The following IFT52 variants were observed in gnomAD, a reference collection of about 807,000 sequenced individuals.
The protein encoded by IFT52 is intraflagellar transport 52.
Under a neutral mutation model 54.4 loss-of-function variants are expected in IFT52, and 44 were observed. The ratio of observed to expected loss-of-function variants is 0.81; its 90% CI spans 0.63 to 1.04. The LOEUF (loss-of-function observed/expected upper bound fraction) is 1.04, where lower values mean the gene tolerates loss of function less well. Among genes scored for constraint, IFT52 ranks in the 50% least tolerant of loss-of-function variants. The pLI is 0.00. For synonymous variants in IFT52, 181 were observed against 185.3 expected (o/e 0.98, Z 0.19); for missense variants, 452 against 523.6 (o/e 0.86, Z 1.33).
chr20:43,632,409 C>T (rs946996866), intron 10 of IFT52, among the ~76,000 whole-genome samples: 4 of 151,940 alleles, frequency 2.6e-5, no homozygotes, highest in Admixed American at 6.6e-5. Flanking sequence ...TACAGGCACG[C>T]GCCACCACGC....
Position 43,619,796 on chromosome 20 carries a change from GA to G in IFT52, c.699+773del, listed in dbSNP as rs572210955. On this transcript the variant is annotated intron_variant, in intron 8 of 13. Coordinates refer to ENST00000373030, the MANE Select transcript of IFT52 (RefSeq NM_016004.5). Reference sequence around the variant, plus strand: ...CTGTCCATTGGTGATTCCAGTGAGAGAAAGAAACGCCTTATAATTGTTATAT... The same window carrying G: ...CTGTCCATTGGTGATTCCAGTGAGAGAAGAAACGCCTTATAATTGTTATAT... Among the ~76,000 whole-genome samples the G allele has an allele frequency of 2.6e-3, 396 of 151,666 alleles. 4 individuals are homozygous for G. The highest frequency in any genetic ancestry group is 0.021 in the South Asian group (101 of 4,808).
At chr20:43,639,796 C>A (rs552863954) in intron 12 of IFT52, among the ~76,000 whole-genome samples, 2 of 151,510 alleles carry the variant, frequency 1.3e-5, no homozygotes, top group Non-Finnish European at 2.9e-5. Context: ...CTATGATACA[C>A]CTTGCACTCC....
intron 6 of IFT52, 48 bp downstream of exon 6, chr20:43,605,121 G>A (rs779540222): frequency 7.5e-6 from 12 of 1,597,332 alleles, no homozygotes; most frequent in Non-Finnish European, 8.5e-6. Context: ...TCATTTTGGA[G>A]TCTTCTTTTT....
At chr20:43,622,768 T>TATAAATATATACATATTTTTATA (rs1568768335) in intron 9 of IFT52, among the ~76,000 whole-genome samples, 10 of 107,350 alleles carry the variant, frequency 9.3e-5, no homozygotes, top group African/African-American at 3.7e-4. Context: ...TATATACAAA[T>TATAAATATATACATATTTTTATA]TGTGTGTAAA....
intron 10 of IFT52, among the ~76,000 whole-genome samples, chr20:43,629,933 T>C (rs545921646): frequency 4.6e-5 from 7 of 152,332 alleles, no homozygotes; most frequent in African/African-American, 7.2e-5. Flanking sequence ...CTAGTTTTCA[T>C]TGGGACCTGA....
In IFT52 at chr20:43,635,862, G is replaced by A. The variant is rs6031007; in HGVS notation, c.924-64G>A. ...ATTTCATGGAGAACAACACAGTGTG[G>A]TCAGTTAGACGTGCTGAGCTATAGT... On this transcript the variant is annotated intron_variant, in intron 10 of 13. Transcript: ENST00000373030. 0.76 allele frequency: 1,054,153 copies of A among 1,396,214 alleles called. 398,878 individuals carry two copies. The highest frequency in any genetic ancestry group is 0.77 in the East Asian group (33,871 of 43,714). 86.5% of individuals were successfully genotyped at this position (1,396,214 alleles called of 1,614,324 possible). A position where few individuals can be genotyped will look rare whatever the true frequency, so the allele number is the denominator to read the frequency against.
At chr20:43,607,989 A>T (rs1983098806) in intron 6 of IFT52, among the ~76,000 whole-genome samples, 1 of 152,216 alleles carries the variant, frequency 6.6e-6, no homozygotes, top group Admixed American at 6.5e-5. Flanking sequence ...CACCAAAAAA[A>T]ATACGAAAAC....
rs902848923 is a variant in IFT52, at chr20:43,618,083, C to CT, written c.613-847dup. 1.1e-4 allele frequency among the ~76,000 whole-genome samples: 17 copies of CT among 148,940 alleles called. No individual in the cohort carries two copies. In the East Asian group the frequency reaches 1.4e-3, roughly 12 times the overall value. On this transcript the variant is annotated intron_variant, in intron 7 of 13. Coordinates refer to ENST00000373030, the MANE Select transcript of IFT52 (RefSeq NM_016004.5). ...TTTCTATTTGGATCTTACTTAAATACTTTTTTTTTTGGTACCCATAGGTAT... is the reference window on the plus strand; with the variant it reads ...TTTCTATTTGGATCTTACTTAAATACTTTTTTTTTTTGGTACCCATAGGTAT...
chr20:43,622,208 G>A (rs1236762613), intron 9 of IFT52, among the ~76,000 whole-genome samples: 1 of 152,114 alleles, frequency 6.6e-6, no homozygotes, highest in East Asian at 1.9e-4. Flanking sequence ...AGACTGATTT[G>A]GGTTAGGAAA....
chr20:43,617,218 T>TA (rs1191945308), intron 7 of IFT52, among the ~76,000 whole-genome samples: 1 of 152,204 alleles, frequency 6.6e-6, no homozygotes, highest in African/African-American at 2.4e-5. Context: ...TAGAATTTTT[T>TA]ATGTTTCAGA....
intron 1 of IFT52, among the ~76,000 whole-genome samples, chr20:43,594,027 G>A (rs1039237861): frequency 6.6e-6 from 1 of 152,050 alleles, no homozygotes; most frequent in Admixed American, 6.6e-5. Context: ...AAAGAATCTC[G>A]AGCTGGGTGC....
At chr20:43,618,864 A>C in intron 7 of IFT52, 76 bp from the exon 8 acceptor site, 2 of 911,120 alleles carry the variant, frequency 2.2e-6, no homozygotes, top group Non-Finnish European at 3.6e-6. Context: ...GCATGATTCT[A>C]ATAAGTGTCT....
chr20:43,605,641 T>C (rs915549290), intron 6 of IFT52, among the ~76,000 whole-genome samples: 2 of 152,220 alleles, frequency 1.3e-5, no homozygotes, highest in African/African-American at 2.4e-5. Flanking sequence ...ATGACTGGAT[T>C]AAATTGGATA....
chr20:43,611,696 G>T (rs575964779), intron 6 of IFT52, among the ~76,000 whole-genome samples: 44 of 151,902 alleles, frequency 2.9e-4, no homozygotes, highest in Admixed American at 1.3e-3. Context: ...TAGTCTCATT[G>T]ATTTTTTTAG....
intron 2 of IFT52, 133 bp from the exon 3 acceptor site, chr20:43,596,302 G>C (rs752501152): frequency 8.5e-6 from 5 of 589,028 alleles, no homozygotes; most frequent in Non-Finnish European, 1.5e-5. Flanking sequence ...AGAGAGACTG[G>C]ACCAGTTACC....
intron 10 of IFT52, among the ~76,000 whole-genome samples, chr20:43,626,499 G>A (rs1421451185): frequency 6.6e-6 from 1 of 151,932 alleles, no homozygotes; most frequent in African/African-American, 2.4e-5. Flanking sequence ...ACCTACCTCG[G>A]CCTCCCAAAG....
At chr20:43,592,946 T>A (rs1006193261) in intron 1 of IFT52, among the ~76,000 whole-genome samples, 3 of 151,724 alleles carry the variant, frequency 2.0e-5, no homozygotes, top group Non-Finnish European at 4.4e-5. Flanking sequence ...ACAAAAAATT[T>A]AAAAATTAGC....
chr20:43,621,024 C>T (rs1405990420), intron 9 of IFT52, 99 bp downstream of exon 9: 2 of 827,614 alleles, frequency 2.4e-6, no homozygotes, highest in East Asian at 4.9e-5. Context: ...TGTCTTAACT[C>T]ATCTGTAAGA....
chr20:43,639,527 G>A (rs970275056), intron 12 of IFT52, among the ~76,000 whole-genome samples: 6 of 152,210 alleles, frequency 3.9e-5, no homozygotes, highest in Non-Finnish European at 7.3e-5. Flanking sequence ...AAAATTAGCT[G>A]GGTGTGGTGG....
Sources: gnomAD v4.1 joint callset for allele counts (sites outside exome capture counted in the v4.1 genomes callset) on GRCh38, gnomAD v4.1.1 for gene constraint, MANE v1.5 for transcripts, NCBI Gene and HGNC (gene_info 2026-07-23, HGNC 2026-07-21) for gene names.